The following NECAB2 variants were observed in gnomAD, a reference collection of about 807,000 sequenced individuals.
NECAB2 encodes N-terminal EF-hand calcium-binding protein 2.
Under a neutral mutation model 51.9 loss-of-function variants are expected in NECAB2, and 68 were observed. The ratio of observed to expected loss-of-function variants is 1.31; its 90% confidence interval spans 1.08 to 1.60. NECAB2 has a LOEUF of 1.60. NECAB2 is among the 40% of genes most tolerant of loss of function. The pLI, the probability that NECAB2 is intolerant of heterozygous loss-of-function variation, is 0.00. For synonymous variants in NECAB2, 329 were observed against 203.5 expected (o/e 1.62, Z -5.25); for missense variants, 854 against 490.3 (o/e 1.74, Z -7.00).
chr16:83,987,828 G>C lies in NECAB2; in HGVS notation c.460-2666G>C, dbSNP rs544415995. ...AGAGTTGGGGAATTACTGGGTTAAAGAATCTGAGCAGTTTATGGCACTTGA... is the reference window on the plus strand; with the variant it reads ...AGAGTTGGGGAATTACTGGGTTAAACAATCTGAGCAGTTTATGGCACTTGA... On this transcript the variant is annotated intron_variant, in intron 5 of 12. Coordinates refer to ENST00000305202, the MANE Select transcript of NECAB2 (RefSeq NM_019065.3). 2.0e-5 allele frequency among the ~76,000 whole-genome samples: 3 copies of C among 152,304 alleles called. No homozygotes were observed. In the East Asian group the frequency reaches 5.8e-4, roughly 29 times the overall value.
intron 5 of NECAB2, among the ~76,000 whole-genome samples, chr16:83,982,752 A>C (rs958439699): frequency 5.9e-5 from 9 of 152,150 alleles, no homozygotes; most frequent in African/African-American, 2.2e-4. Context: ...TTGCTCTTGG[A>C]AGTCATGTGC....
At chr16:83,987,625 A>G (rs553775536) in intron 5 of NECAB2, among the ~76,000 whole-genome samples, 5 of 152,188 alleles carry the variant, frequency 3.3e-5, no homozygotes, top group African/African-American at 9.6e-5. Context: ...CATTTTCCCT[A>G]TGTTACTAAA....
At chr16:83,969,409 C>T in intron 1 of NECAB2, among the ~76,000 whole-genome samples, 1 of 152,130 alleles carries the variant, frequency 6.6e-6, no homozygotes, top group Non-Finnish European at 1.5e-5. Flanking sequence ...GTCTTCTCGT[C>T]TCCTTTCCAT....
chr16:83,970,922 G>A lies in NECAB2; in HGVS notation c.202-1229G>A, dbSNP rs906947804. On this transcript the variant is annotated intron_variant, in intron 1 of 12. Coordinates refer to ENST00000305202, the MANE Select transcript of NECAB2 (RefSeq NM_019065.3). ...AGCTTGACCAACAAGGTGAAACCTC[G>A]TCTCTACTAAAAAATACAAAAATTA... is the stretch of plus-strand genomic sequence containing the variant. Among the ~76,000 whole-genome samples the A allele has an allele frequency of 4.6e-5, 7 of 152,138 alleles. No homozygotes were observed. In the East Asian group the frequency reaches 9.6e-4, roughly 21 times the overall value.
At chr16:83,979,623 G>A (rs1214058188) in intron 3 of NECAB2, among the ~76,000 whole-genome samples, 2 of 152,060 alleles carry the variant, frequency 1.3e-5, no homozygotes, top group Admixed American at 6.6e-5. Flanking sequence ...GGCCAGGCAG[G>A]TGCCCATTGA....
chr16:83,997,400 A>C lies in NECAB2; in HGVS notation c.849+131A>C. On this transcript the variant is annotated intron_variant, in intron 9 of 12. Transcript: ENST00000305202. ...ACCACCAGGAGGGGAGATGTCGCCCAGCGCTTGGCACCCAGACCCTGCCCT... is the reference window on the plus strand; with the variant it reads ...ACCACCAGGAGGGGAGATGTCGCCCCGCGCTTGGCACCCAGACCCTGCCCT... 4 of 1,131,144 alleles carry C rather than the reference A, an allele frequency of 3.5e-6. No homozygotes were observed. The South Asian group carries it at 5.6e-5, about 16-fold the overall frequency. 70.1% of individuals were successfully genotyped at this position (1,131,144 alleles called of 1,614,324 possible). A position where few individuals can be genotyped will look rare whatever the true frequency, so the allele number is the denominator to read the frequency against.
chr16:84,002,307 T>C lies in NECAB2; in HGVS notation c.1133-11T>C, dbSNP rs764611741. 11 of 1,613,678 alleles carry C rather than the reference T, an allele frequency of 6.8e-6. No homozygotes were observed. The highest frequency in any genetic ancestry group is 1.3e-5 in the African/African-American group (1 of 74,860). On this transcript the variant is annotated splice_polypyrimidine_tract_variant and intron_variant, in intron 12 of 12. Transcript: ENST00000305202. ...GCACTCCTTCCCTCTAACGTGTCTC[T>C]CTCCTTTTAGCTGCTTGGTGCACGG... is the stretch of plus-strand genomic sequence containing the variant.
chr16:84,002,498 C>A lies in NECAB2; in HGVS notation c.*152C>A. 5 of 984,070 alleles carry A rather than the reference C, an allele frequency of 5.1e-6. No homozygotes were observed. The highest frequency in any genetic ancestry group is 7.7e-6 in the Non-Finnish European group (5 of 648,984). 61.0% of individuals were successfully genotyped at this position (984,070 alleles called of 1,614,324 possible). ...TTCCCTGTTGTTAAGTGAAGGAGGC[C>A]GCCCCTGCCCCCACCTGAGAAGGCA... On this transcript the variant is annotated 3_prime_UTR_variant, in exon 13 of 13. Coordinates refer to ENST00000305202, the MANE Select transcript of NECAB2 (RefSeq NM_019065.3).
chr16:83,982,131 G>A (rs2084496529), intron 5 of NECAB2, among the ~76,000 whole-genome samples: 1 of 152,184 alleles, frequency 6.6e-6, no homozygotes, highest in African/African-American at 2.4e-5. Context: ...GGCACCTGCT[G>A]GTTTGTATCA....
At position 83,990,506 on chromosome 16, in the gene NECAB2, G is replaced by A. The variant is rs372900962; in HGVS notation, c.472G>A (p.Gly158Arg). ...CTTCCTTCCACAGGTATATGAGGGT[G>A]GGAGCAACGTGGACCAGTTTGTGAC... ...MGYTKKVYEG[G>R]SNVDQFVTRF... The change falls in exon 6 of 13, where the codon GGG becomes AGG. Residue 158 changes from glycine (G) to arginine (R), a missense_variant. Transcript: ENST00000305202. 5.0e-6 allele frequency: 8 copies of A among 1,613,990 alleles called. No individual in the cohort carries two copies. The highest frequency in any genetic ancestry group is 1.6e-4 in the Middle Eastern group (1 of 6,084).
chr16:83,986,992 A>G (rs66888605), intron 5 of NECAB2, among the ~76,000 whole-genome samples: 46,950 of 152,118 alleles, frequency 0.31, 13,782 homozygotes, highest in African/African-American at 0.78. Flanking sequence ...TGACATACCC[A>G]TGTAACAAAC....
chr16:83,966,728 C>T (rs1269685992), upstream of NECAB2, among the ~76,000 whole-genome samples: 1 of 152,232 alleles, frequency 6.6e-6, no homozygotes, highest in Admixed American at 6.5e-5. Context: ...AGGACAGTTT[C>T]CCGCCTTTCT....
chr16:83,990,679 C>CGCACGT (rs1024888992), intron 6 of NECAB2, 49 bp downstream of exon 6: 4 of 1,597,456 alleles, frequency 2.5e-6, no homozygotes, highest in African/African-American at 2.7e-5. Flanking sequence ...GCCGTGCACG[C>CGCACGT]GCACGTGCCC....
chr16:83,996,692 A>T (rs1430715868), intron 8 of NECAB2, among the ~76,000 whole-genome samples: 1 of 151,964 alleles, frequency 6.6e-6, no homozygotes, highest in Non-Finnish European at 1.5e-5. Context: ...GTGACTGTTG[A>T]TCTTCTGTGG....
chr16:83,968,178 G>A (rs1278978170), upstream of NECAB2, among the ~76,000 whole-genome samples: 7 of 151,506 alleles, frequency 4.6e-5, no homozygotes, highest in Non-Finnish European at 1.0e-4. Flanking sequence ...CGGGGCGTGG[G>A]CGCCGCTCCC....
chr16:83,998,367 T>A, intron 10 of NECAB2, 50 bp downstream of exon 10: 1 of 1,552,022 alleles, frequency 6.4e-7, no homozygotes, highest in Non-Finnish European at 8.8e-7. Flanking sequence ...GAGCTCTGCC[T>A]GGCAGTGGAG....
At chr16:83,975,111 CAGGTGTGCAGGG>C (rs1210434157) in intron 2 of NECAB2, among the ~76,000 whole-genome samples, 17 of 120,680 alleles carry the variant, frequency 1.4e-4, no homozygotes, top group African/African-American at 4.4e-4. Context: ...GGGATGAGAG[CAGGTGTGCAGGG>C]AGGTGTGCAG....
chr16:83,995,339 C>G (rs938149115), intron 8 of NECAB2, among the ~76,000 whole-genome samples: 3 of 152,122 alleles, frequency 2.0e-5, no homozygotes, highest in Non-Finnish European at 2.9e-5. Flanking sequence ...CTGTGTGACC[C>G]TGGGCCAGGG....
At chr16:83,989,570 G>A (rs1157927506) in intron 5 of NECAB2, among the ~76,000 whole-genome samples, 1 of 152,192 alleles carries the variant, frequency 6.6e-6, no homozygotes, top group Admixed American at 6.5e-5. Context: ...GGGAAGGCGG[G>A]GTCTTGGCAG....
Sources: allele counts gnomAD v4.1 joint callset (sites outside exome capture counted in the v4.1 genomes callset), GRCh38; gene constraint gnomAD v4.1.1; transcripts MANE v1.5; gene names NCBI Gene and HGNC (gene_info 2026-07-23, HGNC 2026-07-21).